The following EFNA5 variants were observed in gnomAD, a reference collection of about 807,000 sequenced individuals.
The protein encoded by EFNA5 is ephrin-A5.
EFNA5 carries 5 observed loss-of-function variants against 22.9 expected under a neutral mutation model. The ratio of observed to expected loss-of-function variants is 0.22; its 90% confidence interval spans 0.11 to 0.46. The LOEUF is 0.46. Ranked by LOEUF, EFNA5 falls within the 20% of genes least tolerant of loss-of-function variation. The probability of loss-of-function intolerance (pLI) is 0.99; values close to 1 mark genes in which losing one functional copy is unlikely to be tolerated. For missense variants in EFNA5, 237 were observed against 293.3 expected (o/e 0.81, Z 1.40); for synonymous variants, 113 against 112.2 (o/e 1.01, Z -0.04).
At chr5:107,409,041 A>G (rs1202688865) in intron 2 of EFNA5, among the ~76,000 whole-genome samples, 1 of 152,236 alleles carries the variant, frequency 6.6e-6, no homozygotes, top group Non-Finnish European at 1.5e-5. Context: ...GCTTGAACAC[A>G]AAGACATTAA....
intron 1 of EFNA5, among the ~76,000 whole-genome samples, chr5:107,475,892 TCC>T (rs1258860727): frequency 6.6e-6 from 1 of 150,936 alleles, no homozygotes; most frequent in Non-Finnish European, 1.5e-5. Flanking sequence ...ACTTCCCAGA[TCC>T]TTTAAAAATG....
At chr5:107,640,794 G>T (rs975932411) in intron 1 of EFNA5, among the ~76,000 whole-genome samples, 3 of 152,150 alleles carry the variant, frequency 2.0e-5, no homozygotes, top group African/African-American at 4.8e-5. Context: ...CAGATACTTT[G>T]AAAGACAAAT....
chr5:107,439,134 T>C (rs1749190193), intron 1 of EFNA5, among the ~76,000 whole-genome samples: 1 of 152,136 alleles, frequency 6.6e-6, no homozygotes, highest in Admixed American at 6.5e-5. Context: ...AGGGTCTTTT[T>C]TGGAAGTAAT....
At chr5:107,452,086 A>C (rs892001952) in intron 1 of EFNA5, among the ~76,000 whole-genome samples, 1 of 152,192 alleles carries the variant, frequency 6.6e-6, no homozygotes, top group Non-Finnish European at 1.5e-5. Context: ...GCTGGAAGCC[A>C]TTATCCTCAG....
At chr5:107,647,568 A>G (rs1750651729) in intron 1 of EFNA5, among the ~76,000 whole-genome samples, 1 of 152,194 alleles carries the variant, frequency 6.6e-6, no homozygotes. Flanking sequence ...TAGATTCCAC[A>G]AAAGTTCAAC....
At chr5:107,384,825 G>T (rs1197318361) in intron 4 of EFNA5, among the ~76,000 whole-genome samples, 5 of 144,578 alleles carry the variant, frequency 3.5e-5, no homozygotes, top group Non-Finnish European at 7.5e-5. Flanking sequence ...TGTTGTCCAG[G>T]TTGGTCTCAA....
Position 107,632,637 on chromosome 5 carries a change from T to TTTGAA in EFNA5, c.125+37851_125+37852insTTCAA, listed in dbSNP as rs1750280355. Among the ~76,000 whole-genome samples the TTTGAA allele has an allele frequency of 1.2e-4, 18 of 152,296 alleles. 1 individual carries two copies. Among genetic ancestry groups the TTTGAA allele is most frequent in the Admixed American group, 1.2e-3 (18 of 15,304 alleles). ...TTCAGTAACCAAGTGCTCCACAACCTGTCCCTTCAAATGTAAACAAAATCT... is the reference window on the plus strand; with the variant it reads ...TTCAGTAACCAAGTGCTCCACAACCTTTGAAGTCCCTTCAAATGTAAACAAAATCT... On this transcript the variant is annotated intron_variant, in intron 1 of 4. Coordinates refer to ENST00000333274, the MANE Select transcript of EFNA5 (RefSeq NM_001962.3).
At position 107,387,665 on chromosome 5, in the gene EFNA5, G is replaced by A. The variant is rs768385117; in HGVS notation, c.484+41C>T. On this transcript the variant is annotated intron_variant, in intron 3 of 4. Coordinates refer to ENST00000333274, the MANE Select transcript of EFNA5 (RefSeq NM_001962.3). ...AACCAGACCACACAATAAAGCATGC[G>A]CGGTGAAGCCACCCTCTGAAGCTCA... 1.8e-5 allele frequency: 26 copies of A among 1,469,266 alleles called. No homozygotes were observed. In the Admixed American group the frequency reaches 1.8e-4, roughly 10 times the overall value. The allele number at this position is 1,469,266 out of a possible 1,614,324, so 91.0% of individuals were successfully genotyped here.
chr5:107,650,566 G>A (rs769563770), intron 1 of EFNA5, among the ~76,000 whole-genome samples: 1 of 152,106 alleles, frequency 6.6e-6, no homozygotes, highest in Non-Finnish European at 1.5e-5. Flanking sequence ...TGCTCAAAAT[G>A]TGCTTATAAT....
At chr5:107,406,102 CAT>C (rs1427901639) in intron 2 of EFNA5, among the ~76,000 whole-genome samples, 2 of 135,216 alleles carry the variant, frequency 1.5e-5, no homozygotes, top group African/African-American at 5.4e-5. Context: ...TATTTGTATA[CAT>C]ATTCTATGTA....
chr5:107,645,857 A>G (rs1406876961), intron 1 of EFNA5, among the ~76,000 whole-genome samples: 1 of 152,224 alleles, frequency 6.6e-6, no homozygotes, highest in Non-Finnish European at 1.5e-5. Context: ...CCAGTAATAG[A>G]GCCAAACTCA....
chr5:107,636,173 A>T (rs976381994), intron 1 of EFNA5, among the ~76,000 whole-genome samples: 7 of 152,176 alleles, frequency 4.6e-5, no homozygotes, highest in African/African-American at 1.7e-4. Context: ...TGTGTACATA[A>T]ATCTGTTTTG....
chr5:107,512,706 C>T (rs781343464), intron 1 of EFNA5, among the ~76,000 whole-genome samples: 12 of 152,050 alleles, frequency 7.9e-5, no homozygotes, highest in Admixed American at 1.3e-4. Context: ...CAGCAATCAC[C>T]GAGAATGCTG....
At chr5:107,526,706 G>A (rs1747701402) in intron 1 of EFNA5, among the ~76,000 whole-genome samples, 1 of 152,150 alleles carries the variant, frequency 6.6e-6, no homozygotes, top group Non-Finnish European at 1.5e-5. Flanking sequence ...AATCAGTAGA[G>A]CAGCAAGTTA....
chr5:107,529,052 T>C (rs565856915), intron 1 of EFNA5, among the ~76,000 whole-genome samples: 39 of 152,192 alleles, frequency 2.6e-4, no homozygotes, highest in Non-Finnish European at 3.8e-4. Flanking sequence ...CTATGGGTCA[T>C]TGTAAAAAAA....
intron 1 of EFNA5, among the ~76,000 whole-genome samples, chr5:107,557,263 AGGGGCG>A (rs1748441831): frequency 6.6e-6 from 1 of 151,068 alleles, no homozygotes; most frequent in African/African-American, 2.4e-5. Flanking sequence ...TTAAATGAGA[AGGGGCG>A]AGAGAGGGAA....
At chr5:107,452,318 G>A (rs979335538) in intron 1 of EFNA5, among the ~76,000 whole-genome samples, 2 of 151,782 alleles carry the variant, frequency 1.3e-5, no homozygotes, top group African/African-American at 4.8e-5. Context: ...TTCCGCACAA[G>A]TATCCCGTTT....
chr5:107,648,992 GA>G (rs1750679684), intron 1 of EFNA5, among the ~76,000 whole-genome samples: 3 of 152,122 alleles, frequency 2.0e-5, no homozygotes, highest in African/African-American at 7.2e-5. Context: ...ATAGATTAAT[GA>G]AGTTGAAAAT....
In EFNA5 at chr5:107,594,146, T is replaced by G. The variant is rs1362701681; in HGVS notation, c.125+76343A>C. Among the ~76,000 whole-genome samples, 7 of 152,184 alleles carry G rather than the reference T, an allele frequency of 4.6e-5. No individual in the cohort carries two copies. The East Asian group carries it at 1.3e-3, about 29-fold the overall frequency. On this transcript the variant is annotated intron_variant, in intron 1 of 4. Transcript: ENST00000333274. ...TATCTACCTCATCAATACAAACTGA[T>G]TCATCTGTGCTAAAAATGCCACATT...
Sources: allele counts gnomAD v4.1 joint callset (sites outside exome capture counted in the v4.1 genomes callset), GRCh38; gene constraint gnomAD v4.1.1; transcripts MANE v1.5; gene names NCBI Gene and HGNC (gene_info 2026-07-23, HGNC 2026-07-21).